ANXA4: variants seen among roughly 807,000 people sequenced by gnomAD.
ANXA4 encodes the protein annexin A4.
Under a neutral mutation model 49.8 loss-of-function variants are expected in ANXA4, and 39 were observed. The ratio of observed to expected loss-of-function variants is 0.78; its 90% CI spans 0.61 to 1.02. The LOEUF is 1.02. Among genes scored for constraint, ANXA4 ranks in the 50% least tolerant of loss-of-function variants. The pLI is 0.00. For synonymous variants in ANXA4, 134 were observed against 152.5 expected (o/e 0.88, Z 0.89); for missense variants, 360 against 410.1 (o/e 0.88, Z 1.05).
intron 6 of ANXA4, chr2:69,810,212 A>G: frequency 5.2e-6 from 1 of 191,652 alleles, no homozygotes; most frequent in East Asian, 1.3e-4. Flanking sequence ...TACAAAAATT[A>G]GCTGGGCATA....
At chr2:69,674,919 T>TG (rs1277499770) in intron 2 of ANXA4, among the ~76,000 whole-genome samples, 21 of 151,472 alleles carry the variant, frequency 1.4e-4, no homozygotes, top group African/African-American at 4.9e-4. Flanking sequence ...TAAACTGTTT[T>TG]TTTTTTTTTT....
rs573303384 is a variant in ANXA4, at chr2:69,788,311, G to A, written c.97+170G>A. Reference sequence around the variant, plus strand: ...TCTCAGCACTTTGGGAGGCTGAGGTGGGCAGATCACTTGAGGCCACAAGTT... The same window carrying A: ...TCTCAGCACTTTGGGAGGCTGAGGTAGGCAGATCACTTGAGGCCACAAGTT... On this transcript the variant is annotated intron_variant, in intron 3 of 12. Transcript: ENST00000394295. Among the ~76,000 whole-genome samples, 6 of 152,302 alleles carry A rather than the reference G, an allele frequency of 3.9e-5. No individual in the cohort carries two copies. The South Asian group carries it at 1.0e-3, about 26-fold the overall frequency.
At chr2:69,769,320 C>T (rs1224174123) in intron 1 of ANXA4, among the ~76,000 whole-genome samples, 2 of 152,256 alleles carry the variant, frequency 1.3e-5, no homozygotes, top group East Asian at 3.9e-4. Context: ...ATATTTAGCC[C>T]TACCTCTTAA....
intron 1 of ANXA4, among the ~76,000 whole-genome samples, chr2:69,769,508 T>C (rs998330224): frequency 2.6e-5 from 4 of 152,156 alleles, no homozygotes; most frequent in African/African-American, 2.4e-5. Flanking sequence ...CCAGAGGTTA[T>C]TGAGTAGATA....
Position 69,656,204 on chromosome 2 carries a change from T to TATAC in ANXA4, n.766+2923_766+2924insTACA, listed in dbSNP as rs746927465. On this transcript the variant is annotated intron_variant and non_coding_transcript_variant, in intron 2 of 3. Transcript: ENST00000418066. ...ATATATATACGTATATATATATATA[T>TATAC]ACACACACATATATATGTATATATG... Among the ~76,000 whole-genome samples, 22 of 120,794 alleles carry TATAC rather than the reference T, an allele frequency of 1.8e-4. 1 individual carries two copies. Among genetic ancestry groups the TATAC allele is most frequent in the Admixed American group, 8.6e-4 (9 of 10,460 alleles). 79.2% of individuals were successfully genotyped at this position (120,794 alleles called of 152,430 possible). A position where few individuals can be genotyped will look rare whatever the true frequency, so the allele number is the denominator to read the frequency against.
intron 2 of ANXA4, among the ~76,000 whole-genome samples, chr2:69,698,495 A>G (rs1233055698): frequency 6.6e-6 from 1 of 152,156 alleles, no homozygotes; most frequent in African/African-American, 2.4e-5. Flanking sequence ...AGGCCAGAAC[A>G]GAGTGGGGAC....
At chr2:69,779,193 G>A (rs1193935859) in intron 1 of ANXA4, among the ~76,000 whole-genome samples, 1 of 148,292 alleles carries the variant, frequency 6.7e-6, no homozygotes, top group Non-Finnish European at 1.5e-5. Flanking sequence ...GCCAAGTAAT[G>A]ATTTATATTG....
At chr2:69,677,165 T>G (rs1677441035) in intron 2 of ANXA4, among the ~76,000 whole-genome samples, 1 of 151,892 alleles carries the variant, frequency 6.6e-6, no homozygotes, top group South Asian at 2.1e-4. Flanking sequence ...TAAAATTTTG[T>G]CTCTTCTTTT....
intron 7 of ANXA4, chr2:69,810,891 C>A (rs1459929310): frequency 2.9e-5 from 16 of 546,218 alleles, no homozygotes; most frequent in Non-Finnish European, 4.6e-5. Context: ...AAGTACCTAA[C>A]ACCTGCCAGG....
intron 3 of ANXA4, among the ~76,000 whole-genome samples, chr2:69,797,966 T>A (rs140574832): frequency 1.9e-3 from 293 of 152,312 alleles, no homozygotes; most frequent in African/African-American, 6.5e-3. Context: ...CTCCATATGC[T>A]CTTTAAACAA....
At chr2:69,766,925 G>T (rs1671515325) in intron 1 of ANXA4, among the ~76,000 whole-genome samples, 2 of 152,224 alleles carry the variant, frequency 1.3e-5, no homozygotes, top group South Asian at 4.1e-4. Flanking sequence ...CACTCTTTCT[G>T]GGGGGCAAGA....
chr2:69,666,849 C>T (rs1676956614), intron 2 of ANXA4, among the ~76,000 whole-genome samples: 2 of 152,100 alleles, frequency 1.3e-5, no homozygotes, highest in Admixed American at 6.6e-5. Context: ...AGTTTGAGAC[C>T]AGCCTGGCCA....
At chr2:69,665,154 C>T (rs369342473) in intron 2 of ANXA4, among the ~76,000 whole-genome samples, 3 of 152,252 alleles carry the variant, frequency 2.0e-5, no homozygotes, top group East Asian at 3.9e-4. Flanking sequence ...AAAACCGCAT[C>T]TTGAAAGGTA....
chr2:69,673,544 A>G (rs925337803), intron 2 of ANXA4, among the ~76,000 whole-genome samples: 4 of 152,026 alleles, frequency 2.6e-5, no homozygotes, highest in African/African-American at 9.7e-5. Flanking sequence ...ATTAGGAGAA[A>G]TACCCAATGT....
chr2:69,818,537 C>A, intron 9 of ANXA4, 62 bp from the exon 10 acceptor site: 1 of 1,057,404 alleles, frequency 9.5e-7, no homozygotes, highest in South Asian at 1.6e-5. Context: ...CTCATTCTCT[C>A]CATAAATTTT....
chr2:69,647,411 TATTTA>T (rs1404142879), intron 1 of ANXA4, among the ~76,000 whole-genome samples: 60 of 142,504 alleles, frequency 4.2e-4, no homozygotes, highest in African/African-American at 1.4e-3. Context: ...TTTATTTATT[TATTTA>T]TTTATTTTTT....
At chr2:69,687,694 C>T (rs1677837831) in intron 2 of ANXA4, among the ~76,000 whole-genome samples, 1 of 152,176 alleles carries the variant, frequency 6.6e-6, no homozygotes, top group South Asian at 2.1e-4. Context: ...GAAGACGTCC[C>T]CCAAGTCTCT....
At chr2:69,671,025 CA>C (rs762968256) in intron 2 of ANXA4, among the ~76,000 whole-genome samples, 1,405 of 32,570 alleles carry the variant, frequency 0.043, 4 homozygotes, top group African/African-American at 0.1. Context: ...GACTCCATCT[CA>C]AAAAAAAAAA....
At chr2:69,754,068 T>C (rs1324454194) in intron 1 of ANXA4, among the ~76,000 whole-genome samples, 2 of 152,246 alleles carry the variant, frequency 1.3e-5, no homozygotes, top group African/African-American at 2.4e-5. Context: ...TTCACAGATA[T>C]CATGGAATAT....
Sources: allele counts gnomAD v4.1 joint callset (sites outside exome capture counted in the v4.1 genomes callset), GRCh38; gene constraint gnomAD v4.1.1; transcripts MANE v1.5; gene names NCBI Gene and HGNC (gene_info 2026-07-23, HGNC 2026-07-21).